Variants in ATP9A observed in about 807,000 individuals in gnomAD.
The protein encoded by ATP9A is ATPase phospholipid transporting 9A, also known as probable phospholipid-transporting ATPase IIA.
In ATP9A, 52 loss-of-function variants were observed where a neutral mutation model predicts 144.1. That is an observed-to-expected ratio of 0.36 (90% CI 0.29 to 0.45). ATP9A has a LOEUF of 0.45. Ranked by LOEUF, ATP9A falls within the 20% of genes least tolerant of loss-of-function variation. ATP9A has a pLI of 1.00. For missense variants in ATP9A, 947 were observed against 1,392.7 expected, an observed-to-expected ratio of 0.68 and a Z score of 5.09; for synonymous variants, 582 against 557.4, an observed-to-expected ratio of 1.04 and a Z score of -0.62.
intron 1 of ATP9A, among the ~76,000 whole-genome samples, chr20:51,749,391 G>A (rs919627554): frequency 1.3e-4 from 20 of 152,076 alleles, no homozygotes; most frequent in South Asian, 8.3e-4. Context: ...TCAGCCTTCC[G>A]AGTAGCTGGG....
At position 51,611,683 on chromosome 20, in the gene ATP9A, T is replaced by C. The variant is rs2077185468; in HGVS notation, c.2572-1518A>G. Among the ~76,000 whole-genome samples, 1 of 152,180 alleles carries C rather than the reference T, an allele frequency of 6.6e-6. No individual in the cohort carries two copies. Among genetic ancestry groups the C allele is most frequent in the African/African-American group, 2.4e-5 (1 of 41,444 alleles). ...TCCAGTTTTTGAAGAAGTCAGCTCA[T>C]CCCGGCCAGCTTTTGTGTATGAGTC... On this transcript the variant is annotated intron_variant, in intron 23 of 27. Coordinates refer to ENST00000338821, the MANE Select transcript of ATP9A (RefSeq NM_006045.3). This position sits in a 1 kb window ranked among gnomAD's most constrained non-coding sequence, Gnocchi z 4.2.
chr20:51,760,727 A>AG (rs1454362985), intron 1 of ATP9A, among the ~76,000 whole-genome samples: 1 of 148,312 alleles, frequency 6.7e-6, no homozygotes, highest in African/African-American at 2.5e-5. Flanking sequence ...CTCCGTCTCA[A>AG]AAAAAAAAAA....
chr20:51,679,603 C>G (rs1282686140), intron 9 of ATP9A, among the ~76,000 whole-genome samples: 1 of 152,160 alleles, frequency 6.6e-6, no homozygotes, highest in Non-Finnish European at 1.5e-5. Context: ...CCTCCTTGCT[C>G]TCAAGGTTCT....
intron 18 of ATP9A, 76 bp from the exon 19 acceptor site, chr20:51,622,248 C>A (rs2077230021): frequency 8.4e-7 from 1 of 1,194,048 alleles, no homozygotes; most frequent in Non-Finnish European, 1.2e-6. Flanking sequence ...GCTGAGTTTC[C>A]AACAACATGG....
At chr20:51,754,434 C>T (rs557545442) in intron 1 of ATP9A, among the ~76,000 whole-genome samples, 7 of 151,742 alleles carry the variant, frequency 4.6e-5, no homozygotes, top group Non-Finnish European at 1.0e-4. Context: ...ACCCAGGAGG[C>T]GGAGGTTATG....
At chr20:51,753,454 A>AAACAACAACAACAAC (rs11472926) in intron 1 of ATP9A, among the ~76,000 whole-genome samples, 2 of 149,084 alleles carry the variant, frequency 1.3e-5, no homozygotes, top group African/African-American at 2.5e-5. Flanking sequence ...CCGTCTCAAA[A>AAACAACAACAACAAC]AACAACAACA....
intron 15 of ATP9A, among the ~76,000 whole-genome samples, chr20:51,633,205 T>G (rs968922395): frequency 6.6e-6 from 1 of 152,034 alleles, no homozygotes; most frequent in Middle Eastern, 3.2e-3. Context: ...ATGAATGAAA[T>G]AGTGGCACAT....
At position 51,614,704 on chromosome 20, in the gene ATP9A, T is replaced by C. The variant is rs192404166; in HGVS notation, c.2416-872A>G. On this transcript the variant is annotated intron_variant, in intron 22 of 27. Coordinates refer to ENST00000338821, the MANE Select transcript of ATP9A (RefSeq NM_006045.3). Reference sequence around the variant, plus strand: ...ACAGGAAGAACACCAATTCCCCTTGTACAGTGCTCATGCCAAACCAGAATT... The same window carrying C: ...ACAGGAAGAACACCAATTCCCCTTGCACAGTGCTCATGCCAAACCAGAATT... Among the ~76,000 whole-genome samples, 342 of 152,260 alleles carry C rather than the reference T, an allele frequency of 2.2e-3. 3 individuals are homozygous for C. Among genetic ancestry groups the C allele is most frequent in the African/African-American group, 7.8e-3 (325 of 41,554 alleles).
chr20:51,719,662 G>T (rs556930084), intron 3 of ATP9A, among the ~76,000 whole-genome samples: 1 of 150,876 alleles, frequency 6.6e-6, no homozygotes, highest in South Asian at 2.1e-4. Flanking sequence ...GAACCCAGGA[G>T]GCAGAGGTTG....
chr20:51,614,397 T>C (rs1035701688), intron 22 of ATP9A, among the ~76,000 whole-genome samples: 2 of 152,076 alleles, frequency 1.3e-5, no homozygotes, highest in Admixed American at 6.6e-5. Context: ...GCCTCCCAGG[T>C]TCAAGCCATC....
rs2077290452 is a variant in ATP9A at position 51,635,932 on chromosome 20, C to G, written c.1668+3411G>C. Among the ~76,000 whole-genome samples the G allele has an allele frequency of 1.3e-5, 2 of 151,584 alleles. 1 individual carries two copies. Among genetic ancestry groups the G allele is most frequent in the South Asian group, 4.2e-4 (2 of 4,790 alleles). On this transcript the variant is annotated intron_variant, in intron 15 of 27. Transcript: ENST00000338821. ...GGAACTTCCTTACTCCAGGGAAATA[C>G]ATTTTCTGGAGTAAGGGAATGCATT...
intron 15 of ATP9A, among the ~76,000 whole-genome samples, chr20:51,638,071 T>TTATTTATATATATATA (rs2077300968): frequency 2.9e-5 from 1 of 34,192 alleles, no homozygotes; most frequent in Non-Finnish European, 5.8e-5. Context: ...TTTCATCATT[T>TTATTTATATATATATA]TATATATATA....
intron 9 of ATP9A, among the ~76,000 whole-genome samples, chr20:51,685,829 C>T (rs925930922): frequency 2.6e-5 from 4 of 152,124 alleles, no homozygotes; most frequent in Non-Finnish European, 4.4e-5. Context: ...GGATCTAGAA[C>T]TAGAAATACC....
chr20:51,664,549 C>T (rs1348197229), intron 13 of ATP9A, among the ~76,000 whole-genome samples: 2 of 152,076 alleles, frequency 1.3e-5, no homozygotes, highest in East Asian at 3.9e-4. Context: ...GATGGCACCA[C>T]TGCACCGTAG....
At chr20:51,665,823 A>G (rs1262316017) in intron 13 of ATP9A, among the ~76,000 whole-genome samples, 2 of 151,978 alleles carry the variant, frequency 1.3e-5, no homozygotes, top group Non-Finnish European at 2.9e-5. Flanking sequence ...TGTGTTGGCC[A>G]TTTTCTTACT....
chr20:51,752,187 G>C (rs1482817502), intron 1 of ATP9A, among the ~76,000 whole-genome samples: 1 of 152,168 alleles, frequency 6.6e-6, no homozygotes, highest in Non-Finnish European at 1.5e-5. Flanking sequence ...AGCAGCTTAC[G>C]AGCTGTGGGA....
intron 16 of ATP9A, among the ~76,000 whole-genome samples, chr20:51,628,420 T>G (rs1017972134): frequency 5.9e-5 from 9 of 152,126 alleles, no homozygotes; most frequent in South Asian, 2.1e-4. Context: ...GACTTGTCCC[T>G]AACAAACAGA....
chr20:51,704,654 C>T (rs2077607735), intron 4 of ATP9A, among the ~76,000 whole-genome samples: 1 of 152,116 alleles, frequency 6.6e-6, no homozygotes, highest in African/African-American at 2.4e-5. Context: ...GTGGCACATG[C>T]CTGTAATCCC....
intron 1 of ATP9A, among the ~76,000 whole-genome samples, chr20:51,749,468 T>C (rs566658156): frequency 6.6e-6 from 1 of 152,288 alleles, no homozygotes; most frequent in East Asian, 1.9e-4. Context: ...TTCACCATGT[T>C]GACCAGGCTG....
Sources: gnomAD v4.1 joint callset for allele counts (sites outside exome capture counted in the v4.1 genomes callset) on GRCh38, gnomAD v4.1.1 for gene constraint, Gnocchi (gnomAD v3.1) non-coding constraint, MANE v1.5 for transcripts, NCBI Gene and HGNC (gene_info 2026-07-23, HGNC 2026-07-21) for gene names.